Variants in STK24 observed in about 807,000 individuals in gnomAD.
STK24 encodes the protein serine/threonine kinase 24.
In STK24, 21 loss-of-function variants were observed where a neutral mutation model predicts 55.6. That is an observed-to-expected ratio of 0.38 (90% confidence interval 0.27 to 0.54). The LOEUF (loss-of-function observed/expected upper bound fraction) is 0.54. Among genes scored for constraint, STK24 ranks in the 20% least tolerant of loss-of-function variants. The pLI, the probability that STK24 is intolerant of heterozygous loss-of-function variation, is 0.79. For missense variants in STK24, 383 were observed against 538.4 expected (o/e 0.71, Z 2.86); for synonymous variants, 200 against 215.2 (o/e 0.93, Z 0.62).
At position 98,448,363 on chromosome 13, in the gene STK24, GTTTCC is replaced by G; in HGVS notation, c.*4805_*4809del. 7.0e-7 allele frequency: 1 copy of G among 1,423,568 alleles called. No individual in the cohort carries two copies. The highest frequency in any genetic ancestry group is 1.8e-4 in the Middle Eastern group (1 of 5,664). 88.2% of individuals were successfully genotyped at this position (1,423,568 alleles called of 1,614,324 possible). A position where few individuals can be genotyped will look rare whatever the true frequency, so the allele number is the denominator to read the frequency against. ...CGCAGTGGCTGCTTTCCTGGAAGAC[GTTTCC>G]TTTCTTCTGTATTAATGAAGCCTGG... is the stretch of plus-strand genomic sequence containing the variant. On this transcript the variant is annotated 3_prime_UTR_variant, in exon 11 of 11. Transcript: ENST00000539966.
intron 1 of STK24, among the ~76,000 whole-genome samples, chr13:98,533,464 A>G (rs576026649): frequency 6.6e-6 from 1 of 152,268 alleles, no homozygotes; most frequent in African/African-American, 2.4e-5. Context: ...CTATAAAAAA[A>G]TACTTAAGAT....
chr13:98,496,214 G>A (rs746721283), intron 2 of STK24, among the ~76,000 whole-genome samples: 2 of 152,296 alleles, frequency 1.3e-5, no homozygotes, highest in African/African-American at 2.4e-5. Flanking sequence ...AAGCATGCTC[G>A]TAAGAACCAG....
Position 98,456,747 on chromosome 13 carries a change from G to A in STK24, c.1259+421C>T, listed in dbSNP as rs997047674. On this transcript the variant is annotated intron_variant, in intron 10 of 10. Coordinates refer to ENST00000539966, the MANE Select transcript of STK24 (RefSeq NM_001032296.4). ...CAGCTAACACAGGGAACACACCTGC[G>A]CCCGCTCCCGCTGAGTTGACCACAC... 28 of 353,152 alleles carry A rather than the reference G, an allele frequency of 7.9e-5. No homozygotes were observed. The Admixed American group carries it at 8.6e-4, about 11-fold the overall frequency. 21.9% of individuals were successfully genotyped at this position (353,152 alleles called of 1,614,324 possible).
chr13:98,553,050 G>A (rs771055311), intron 1 of STK24, among the ~76,000 whole-genome samples: 9 of 152,172 alleles, frequency 5.9e-5, no homozygotes, highest in Admixed American at 3.3e-4. Context: ...GGGAGACCCC[G>A]TGGGTGTGGG....
intron 3 of STK24, among the ~76,000 whole-genome samples, chr13:98,478,728 C>A (rs1235939978): frequency 6.6e-6 from 1 of 152,212 alleles, no homozygotes; most frequent in Non-Finnish European, 1.5e-5. Flanking sequence ...AACATCTCTG[C>A]CTGATTAAGT....
chr13:98,517,839 G>T (rs1896121228), intron 2 of STK24, among the ~76,000 whole-genome samples: 1 of 152,096 alleles, frequency 6.6e-6, no homozygotes, highest in South Asian at 2.1e-4. Context: ...TACCTTCATT[G>T]CATATTCATT....
intron 2 of STK24, among the ~76,000 whole-genome samples, chr13:98,503,024 G>GTTTTGTTTTTTTTTTTT (rs1555306357): frequency 2.8e-5 from 3 of 107,084 alleles, no homozygotes; most frequent in African/African-American, 1.2e-4. Flanking sequence ...CTTTCCATGT[G>GTTTTGTTTTTTTTTTTT]TTTTTTTTTT....
intron 9 of STK24, among the ~76,000 whole-genome samples, 155 bp downstream of exon 9, chr13:98,460,217 T>C (rs1253936559): frequency 1.1e-5 from 1 of 89,876 alleles, no homozygotes; most frequent in African/African-American, 3.5e-5. Context: ...AAGGTGGTGC[T>C]GACAGCCTTT....
chr13:98,500,596 T>C (rs1167845204), intron 2 of STK24, among the ~76,000 whole-genome samples: 1 of 151,926 alleles, frequency 6.6e-6, no homozygotes, highest in Non-Finnish European at 1.5e-5. Context: ...ATGGAAACGC[T>C]ACCTTAGGTC....
At chr13:98,559,813 G>A (rs966120416) in intron 1 of STK24, among the ~76,000 whole-genome samples, 2 of 151,444 alleles carry the variant, frequency 1.3e-5, no homozygotes, top group African/African-American at 4.9e-5. Flanking sequence ...CAAAATTCAG[G>A]AGCACTAACT....
chr13:98,500,755 T>C (rs568128382), intron 2 of STK24, among the ~76,000 whole-genome samples: 5 of 148,032 alleles, frequency 3.4e-5, no homozygotes, highest in African/African-American at 9.9e-5. Flanking sequence ...ACTATGACAA[T>C]AATTAGATTT....
chr13:98,474,472 G>A (rs946207490), intron 5 of STK24, among the ~76,000 whole-genome samples: 2 of 152,010 alleles, frequency 1.3e-5, no homozygotes, highest in African/African-American at 4.8e-5. Flanking sequence ...CAGACAGCAG[G>A]TGGAGCCCCT....
chr13:98,482,212 G>T, intron 3 of STK24, 53 bp downstream of exon 3: 1 of 1,067,192 alleles, frequency 9.4e-7, no homozygotes, highest in Non-Finnish European at 1.3e-6. Flanking sequence ...TTAAAACCCA[G>T]GTTTCCTGAG....
intron 2 of STK24, among the ~76,000 whole-genome samples, chr13:98,514,394 T>C (rs1895986310): frequency 6.6e-6 from 1 of 152,252 alleles, no homozygotes; most frequent in African/African-American, 2.4e-5. Context: ...AGAATATAAC[T>C]TGGAAAGATG....
intron 5 of STK24, among the ~76,000 whole-genome samples, chr13:98,473,314 T>C: frequency 2.3e-5 from 1 of 43,448 alleles, no homozygotes; most frequent in South Asian, 7.0e-4. Context: ...AAAATCAGAG[T>C]CCTCAGTCAC....
chr13:98,524,447 C>T (rs1202698383), intron 1 of STK24, among the ~76,000 whole-genome samples: 3 of 152,230 alleles, frequency 2.0e-5, no homozygotes, highest in South Asian at 2.1e-4. Context: ...AGCACGGCAC[C>T]GGATAAACAT....
Position 98,446,603 on chromosome 13 carries a change from C to T in STK24, c.*6570G>A, listed in dbSNP as rs1021448483. 6 of 1,557,836 alleles carry T rather than the reference C, an allele frequency of 3.9e-6. No individual in the cohort carries two copies. Among genetic ancestry groups the T allele is most frequent in the Non-Finnish European group, 5.3e-6 (6 of 1,135,390 alleles). Reference sequence around the variant, plus strand: ...CAAGTCCCTGTCTGATGCGGGGCAGCAGCCAGGCCCAGCAGCAGAAGCTGA... The same window carrying T: ...CAAGTCCCTGTCTGATGCGGGGCAGTAGCCAGGCCCAGCAGCAGAAGCTGA... On this transcript the variant is annotated 3_prime_UTR_variant, in exon 11 of 11. Coordinates refer to ENST00000539966, the MANE Select transcript of STK24 (RefSeq NM_001032296.4).
Position 98,527,871 on chromosome 13 carries a change from G to A in STK24, c.43-8398C>T, listed in dbSNP as rs546849004. Among the ~76,000 whole-genome samples, 32 of 152,332 alleles carry A rather than the reference G, an allele frequency of 2.1e-4. 1 individual carries two copies. Among genetic ancestry groups the A allele is most frequent in the African/African-American group, 7.7e-4 (32 of 41,574 alleles). On this transcript the variant is annotated intron_variant, in intron 1 of 10. Transcript: ENST00000539966. Reference sequence around the variant, plus strand: ...GGGACAGTCATCACCTGCTTTATTGGAACAAATGTCCCCTGCTGTGACTGC... The same window carrying A: ...GGGACAGTCATCACCTGCTTTATTGAAACAAATGTCCCCTGCTGTGACTGC...
chr13:98,548,570 T>C (rs1434616776), intron 1 of STK24, among the ~76,000 whole-genome samples: 3 of 151,942 alleles, frequency 2.0e-5, no homozygotes, highest in South Asian at 2.1e-4. Flanking sequence ...TACATGAAAA[T>C]AGAACAAATG....
Sources: allele counts gnomAD v4.1 joint callset (sites outside exome capture counted in the v4.1 genomes callset), GRCh38; gene constraint gnomAD v4.1.1; transcripts MANE v1.5; gene names NCBI Gene and HGNC (gene_info 2026-07-23, HGNC 2026-07-21).